Variants in PIGU observed in about 807,000 individuals in gnomAD.
The protein encoded by PIGU is GPI-anchor transamidase component PIGU.
A neutral mutation model predicts 49.9 loss-of-function variants in PIGU; 24 were observed. The observed-to-expected ratio is 0.48, with a 90% CI of 0.35 to 0.68. The LOEUF (loss-of-function observed/expected upper bound fraction) is 0.68, where lower values mean the gene tolerates loss of function less well. Ranked by LOEUF, PIGU falls within the 30% of genes least tolerant of loss-of-function variation. PIGU has a pLI of 0.01. For synonymous variants in PIGU, 220 were observed against 205.7 expected (o/e 1.07, Z -0.59); for missense variants, 490 against 532.6 (o/e 0.92, Z 0.79).
chr20:34,654,950 A>G (rs1157734333), intron 2 of PIGU, among the ~76,000 whole-genome samples: 2 of 112,222 alleles, frequency 1.8e-5, no homozygotes, highest in Non-Finnish European at 1.9e-5. Flanking sequence ...GGTTGCAGTG[A>G]GCTGAGATTG....
chr20:34,665,942 T>A (rs1029310709), intron 1 of PIGU, among the ~76,000 whole-genome samples: 1 of 152,126 alleles, frequency 6.6e-6, no homozygotes, highest in African/African-American at 2.4e-5. Context: ...TCTCAATACG[T>A]TGGGAGGCCG....
rs1986297366 is a variant in PIGU, at chr20:34,645,199, A to AG, written c.255+75_255+76insC. The AG allele has an allele frequency of 4.3e-6, 6 of 1,405,834 alleles. No homozygotes were observed. In the East Asian group the frequency reaches 1.4e-4, roughly 32 times the overall value. The allele number at this position is 1,405,834 out of a possible 1,614,324, so 87.1% of individuals were successfully genotyped here. On this transcript the variant is annotated intron_variant, in intron 3 of 11. Coordinates refer to ENST00000217446, the MANE Select transcript of PIGU (RefSeq NM_080476.5). ...TGAGACCCCATCTCAAAAAAAAAAA[A>AG]AAAAGAGAGAGAGAGACAATAAACC...
At chr20:34,609,841 A>T (rs1984749264) in intron 7 of PIGU, among the ~76,000 whole-genome samples, 3 of 151,876 alleles carry the variant, frequency 2.0e-5, no homozygotes, top group Admixed American at 2.0e-4. Flanking sequence ...ACCCGGTGGG[A>T]GGTAATTGAA....
intron 1 of PIGU, among the ~76,000 whole-genome samples, chr20:34,672,950 A>G (rs1477619175): frequency 6.6e-6 from 1 of 151,214 alleles, no homozygotes; most frequent in Non-Finnish European, 1.5e-5. Flanking sequence ...CAAAGAACTG[A>G]TCATTCAAAA....
intron 7 of PIGU, among the ~76,000 whole-genome samples, chr20:34,596,643 T>TA (rs2146722056): frequency 6.6e-6 from 1 of 152,220 alleles, no homozygotes; most frequent in South Asian, 2.1e-4. Context: ...ACAAGCAATT[T>TA]AAAAAATTAG....
chr20:34,652,568 G>A, intron 2 of PIGU, among the ~76,000 whole-genome samples: 1 of 152,032 alleles, frequency 6.6e-6, no homozygotes. Context: ...TTGACTTGAG[G>A]TCTTCTTTTC....
At chr20:34,621,160 CA>C (rs1985206889) in intron 6 of PIGU, among the ~76,000 whole-genome samples, 1 of 152,078 alleles carries the variant, frequency 6.6e-6, no homozygotes, top group Non-Finnish European at 1.5e-5. Context: ...TTTGGCTCTC[CA>C]GCACCTAGTA....
chr20:34,674,595 A>G (rs1037628004), intron 1 of PIGU, among the ~76,000 whole-genome samples: 2 of 152,072 alleles, frequency 1.3e-5, no homozygotes, highest in African/African-American at 4.8e-5. Flanking sequence ...AAAAGAATTC[A>G]GGAATGAATA....
rs1555804343 is a variant in PIGU at position 34,669,682 on chromosome 20, A to AG, written c.130+7273dup. Among the ~76,000 whole-genome samples the AG allele has an allele frequency of 7.7e-3, 1,168 of 151,228 alleles. 21 individuals are homozygous for AG. Among genetic ancestry groups the AG allele is most frequent in the African/African-American group, 0.027 (1,130 of 41,234 alleles). ...ACTCTGGCTGAAAAAAAAAAAAAAA[A>AG]GTAAAAAACAAAAAACAGTGGTATC... On this transcript the variant is annotated intron_variant, in intron 1 of 11. Transcript: ENST00000217446.
intron 1 of PIGU, among the ~76,000 whole-genome samples, chr20:34,664,783 A>G (rs1283505463): frequency 6.6e-6 from 1 of 152,152 alleles, no homozygotes; most frequent in Non-Finnish European, 1.5e-5. Flanking sequence ...TGAGCTCAGG[A>G]ATTCGAGACT....
chr20:34,566,150 G>C (rs1409645887), intron 11 of PIGU, among the ~76,000 whole-genome samples: 1 of 152,148 alleles, frequency 6.6e-6, no homozygotes, highest in Non-Finnish European at 1.5e-5. Flanking sequence ...CCCCTGCCCT[G>C]CCCAGCAGCG....
At chr20:34,634,113 C>A (rs1985882180) in intron 6 of PIGU, among the ~76,000 whole-genome samples, 1 of 151,932 alleles carries the variant, frequency 6.6e-6, no homozygotes, top group Non-Finnish European at 1.5e-5. Flanking sequence ...ACTCTGTCAC[C>A]CAGGCTGGAG....
chr20:34,660,044 T>C (rs994439492), intron 1 of PIGU, among the ~76,000 whole-genome samples: 1 of 49,670 alleles, frequency 2.0e-5, no homozygotes, highest in Non-Finnish European at 3.6e-5. Flanking sequence ...CCAAGAATGA[T>C]CAATAAAAAA....
chr20:34,657,291 C>T (rs2146783621), intron 1 of PIGU, 47 bp from the exon 2 acceptor site: 1 of 1,460,840 alleles, frequency 6.8e-7, no homozygotes, highest in Non-Finnish European at 9.6e-7. Flanking sequence ...CAGGCAGCTA[C>T]AGACCAAATT....
chr20:34,574,549 A>C lies in PIGU; in HGVS notation c.1194+555T>G, dbSNP rs1399763106. On this transcript the variant is annotated intron_variant, in intron 11 of 11. Transcript: ENST00000217446. ...AGCCTGTGACCACAGCCTCCTCTCC[A>C]CCGCTCCCAGCCACACAATTTATGC... 1.1e-4 allele frequency among the ~76,000 whole-genome samples: 16 copies of C among 151,750 alleles called. 1 individual carries two copies. The South Asian group carries it at 3.1e-3, about 30-fold the overall frequency.
chr20:34,579,574 A>G (rs1983376854), intron 10 of PIGU, among the ~76,000 whole-genome samples: 1 of 152,194 alleles, frequency 6.6e-6, no homozygotes, highest in African/African-American at 2.4e-5. Context: ...GCTAATAATG[A>G]TTCACAGTTG....
chr20:34,593,468 C>T (rs1281870886), intron 7 of PIGU, among the ~76,000 whole-genome samples: 7 of 152,038 alleles, frequency 4.6e-5, no homozygotes, highest in Admixed American at 1.3e-4. Context: ...CCTTATCAGA[C>T]ACTGAAATAT....
intron 11 of PIGU, among the ~76,000 whole-genome samples, chr20:34,565,284 G>A (rs1422440864): frequency 6.7e-6 from 1 of 149,526 alleles, no homozygotes; most frequent in Non-Finnish European, 1.5e-5. Context: ...TTGAGACGAA[G>A]TCTCGCTCTG....
rs138394130 is a variant in PIGU at position 34,637,546 on chromosome 20, CT to C, written c.428+329del. Among the ~76,000 whole-genome samples, 225 of 152,286 alleles carry C rather than the reference CT, an allele frequency of 1.5e-3. 1 individual carries two copies. Among genetic ancestry groups the C allele is most frequent in the Non-Finnish European group, 1.4e-3 (92 of 68,026 alleles). ...AAATGGCAGCCACATAAAAACCAAA[CT>C]TTTATTCAATCCATACATCACAATT... On this transcript the variant is annotated intron_variant, in intron 5 of 11. Coordinates refer to ENST00000217446, the MANE Select transcript of PIGU (RefSeq NM_080476.5).
Sources: allele counts gnomAD v4.1 joint callset (sites outside exome capture counted in the v4.1 genomes callset), GRCh38; gene constraint gnomAD v4.1.1; transcripts MANE v1.5; gene names NCBI Gene and HGNC (gene_info 2026-07-23, HGNC 2026-07-21).